The following WDR7 variants were observed in gnomAD, a reference collection of about 807,000 sequenced individuals.
The protein encoded by WDR7 is WD repeat domain 7, also known as WD repeat-containing protein 7.
WDR7 carries 46 observed loss-of-function variants against 169.4 expected under a neutral mutation model. That is an observed-to-expected ratio of 0.27 (90% CI 0.21 to 0.35). The LOEUF (loss-of-function observed/expected upper bound fraction) is 0.35, where lower values mean the gene tolerates loss of function less well. Ranked by LOEUF, WDR7 falls within the 10% of genes least tolerant of loss-of-function variation. The probability of loss-of-function intolerance (pLI) is 1.00; values close to 1 mark genes in which losing one functional copy is unlikely to be tolerated. For synonymous variants in WDR7, 612 were observed against 666.8 expected (o/e 0.92, Z 1.27); for missense variants, 1,534 against 1,859.3 (o/e 0.83, Z 3.22).
chr18:56,876,483 T>G (rs1343546755), intron 20 of WDR7, among the ~76,000 whole-genome samples: 1 of 152,194 alleles, frequency 6.6e-6, no homozygotes, highest in East Asian at 1.9e-4. Context: ...AATAGAAATG[T>G]AATGATCTGG....
chr18:56,794,589 G>T (rs746987837), intron 19 of WDR7, among the ~76,000 whole-genome samples: 1 of 151,908 alleles, frequency 6.6e-6, no homozygotes, highest in Non-Finnish European at 1.5e-5. Flanking sequence ...GATTACAGGC[G>T]TGAGCCACCG....
At chr18:56,876,653 G>GA (rs1369244514) in intron 20 of WDR7, among the ~76,000 whole-genome samples, 2 of 151,822 alleles carry the variant, frequency 1.3e-5, no homozygotes, top group East Asian at 1.9e-4. Context: ...TTGCTACTCA[G>GA]AAAAAAATTG....
chr18:56,995,982 A>G (rs1016997272), intron 26 of WDR7, among the ~76,000 whole-genome samples: 11 of 152,114 alleles, frequency 7.2e-5, no homozygotes, highest in Admixed American at 5.9e-4. Flanking sequence ...TACCTGGGCC[A>G]CTTGTTTTTT....
intron 16 of WDR7, among the ~76,000 whole-genome samples, chr18:56,770,960 G>C (rs2044146048): frequency 1.3e-5 from 2 of 152,070 alleles, no homozygotes; most frequent in African/African-American, 4.8e-5. Flanking sequence ...ATGATGAATG[G>C]TATTAATGAA....
In WDR7 at chr18:56,835,644, C is replaced by T. The variant is rs555664428; in HGVS notation, c.3304+19500C>T. On this transcript the variant is annotated intron_variant, in intron 20 of 27. Coordinates refer to ENST00000254442, the MANE Select transcript of WDR7 (RefSeq NM_015285.3). ...AACAGTATGTGAAACTCATTTTGCTCGCTTTGCATCTGCTGTCATTTTTGT... is the reference window on the plus strand; with the variant it reads ...AACAGTATGTGAAACTCATTTTGCTTGCTTTGCATCTGCTGTCATTTTTGT... Among the ~76,000 whole-genome samples the T allele has an allele frequency of 6.8e-4, 103 of 152,064 alleles. 1 individual carries two copies. The highest frequency in any genetic ancestry group is 1.1e-3 in the Non-Finnish European group (78 of 68,000).
rs1330759126 is a variant in WDR7, at chr18:56,776,773, C to T, written c.2849-9C>T. On this transcript the variant is annotated splice_polypyrimidine_tract_variant and intron_variant, in intron 16 of 27. Transcript: ENST00000254442. ...TCTCCTCTTTACTTCTTCTCTTTTCCTCTGCAAGTTGCTGCACCTGTCGTT... is the reference window on the plus strand; with the variant it reads ...TCTCCTCTTTACTTCTTCTCTTTTCTTCTGCAAGTTGCTGCACCTGTCGTT... The T allele has an allele frequency of 6.2e-7, 1 of 1,612,706 alleles. No individual in the cohort carries two copies. The highest frequency in any genetic ancestry group is 1.7e-5 in the Admixed American group (1 of 59,992).
intron 21 of WDR7, among the ~76,000 whole-genome samples, chr18:56,901,257 AATTAT>A (rs1314349481): frequency 6.6e-6 from 1 of 152,154 alleles, no homozygotes; most frequent in African/African-American, 2.4e-5. Context: ...TAATAATGCT[AATTAT>A]ATTCTCTATA....
chr18:56,690,823 A>G (rs1379028878), intron 7 of WDR7, among the ~76,000 whole-genome samples: 3 of 152,142 alleles, frequency 2.0e-5, no homozygotes, highest in African/African-American at 7.2e-5. Context: ...TCAAGAAAAA[A>G]AAAAAAATGC....
At chr18:56,860,992 C>T (rs1335480082) in intron 20 of WDR7, among the ~76,000 whole-genome samples, 2 of 151,960 alleles carry the variant, frequency 1.3e-5, no homozygotes, top group Non-Finnish European at 2.9e-5. Flanking sequence ...AATACAATTG[C>T]TCTATTTCTA....
At chr18:56,722,915 A>G (rs1432101565) in intron 13 of WDR7, among the ~76,000 whole-genome samples, 1 of 152,016 alleles carries the variant, frequency 6.6e-6, no homozygotes, top group Non-Finnish European at 1.5e-5. Flanking sequence ...CTTCTAATTC[A>G]TCCTTTACTC....
At chr18:56,899,511 T>C (rs183104797) in intron 21 of WDR7, among the ~76,000 whole-genome samples, 205 of 152,208 alleles carry the variant, frequency 1.3e-3, no homozygotes, top group African/African-American at 4.5e-3. Flanking sequence ...CAATAATGTG[T>C]TTCTAAGGTA....
intron 20 of WDR7, chr18:56,873,749 C>G (rs1488676110): frequency 6.6e-6 from 1 of 152,154 alleles, no homozygotes; most frequent in Non-Finnish European, 1.5e-5. Context: ...CTGTGCTCAT[C>G]CAAGCAGGGG....
chr18:57,027,427 G>A lies in WDR7; in HGVS notation c.*220G>A. The A allele has an allele frequency of 1.8e-6, 1 of 570,306 alleles. No homozygotes were observed. Among genetic ancestry groups the A allele is most frequent in the Non-Finnish European group, 3.0e-6 (1 of 330,968 alleles). 35.3% of individuals were successfully genotyped at this position (570,306 alleles called of 1,614,324 possible). On this transcript the variant is annotated 3_prime_UTR_variant, in exon 28 of 28. Transcript: ENST00000254442. ...CACGCACACATGCTCTGCAGGATGTGGCCATCCTGTCACCAGGTAGTTTTT... is the reference window on the plus strand; with the variant it reads ...CACGCACACATGCTCTGCAGGATGTAGCCATCCTGTCACCAGGTAGTTTTT...
chr18:56,911,554 T>A (rs1407120088), intron 21 of WDR7, among the ~76,000 whole-genome samples: 1 of 152,202 alleles, frequency 6.6e-6, no homozygotes, highest in Non-Finnish European at 1.5e-5. Context: ...TACTCTAGTA[T>A]CCATATCACA....
chr18:56,855,027 C>A (rs1338311553), intron 20 of WDR7, among the ~76,000 whole-genome samples: 1 of 152,154 alleles, frequency 6.6e-6, no homozygotes, highest in Admixed American at 6.5e-5. Flanking sequence ...AAATGATTAA[C>A]TTTATAGAGT....
chr18:56,909,123 A>G (rs769789749), intron 21 of WDR7, among the ~76,000 whole-genome samples: 3 of 152,130 alleles, frequency 2.0e-5, no homozygotes, highest in Non-Finnish European at 4.4e-5. Flanking sequence ...GAATGAGGAA[A>G]CTTATACCCA....
At chr18:56,872,756 G>A (rs926265493) in intron 20 of WDR7, 4 of 152,018 alleles carry the variant, frequency 2.6e-5, no homozygotes, top group South Asian at 4.2e-4. Context: ...CAAGAAAATG[G>A]ATCTCCATGT....
chr18:56,679,238 C>A, intron 2 of WDR7, 94 bp from the exon 3 acceptor site: 2 of 979,496 alleles, frequency 2.0e-6, no homozygotes, highest in South Asian at 1.8e-5. Flanking sequence ...AGCAGTCTAC[C>A]TAGTCTTCTA....
intron 21 of WDR7, among the ~76,000 whole-genome samples, chr18:56,883,188 C>T (rs905048574): frequency 8.3e-5 from 11 of 131,830 alleles, no homozygotes; most frequent in South Asian, 2.3e-4. Context: ...CCAGCCTGGG[C>T]GACAGAGCGA....
Sources: allele counts gnomAD v4.1 joint callset (sites outside exome capture counted in the v4.1 genomes callset), GRCh38; gene constraint gnomAD v4.1.1; transcripts MANE v1.5; gene names NCBI Gene and HGNC (gene_info 2026-07-23, HGNC 2026-07-21).